RAD21L1: variants seen among roughly 807,000 people sequenced by gnomAD.
RAD21L1 encodes RAD21 cohesin complex component like 1, also known as double-strand-break repair protein rad21-like protein 1.
Under a neutral mutation model 69.0 loss-of-function variants are expected in RAD21L1, and 47 were observed. The observed-to-expected ratio is 0.68, with a 90% CI of 0.54 to 0.87. The LOEUF (loss-of-function observed/expected upper bound fraction) is 0.87. Among genes scored for constraint, RAD21L1 ranks in the 40% least tolerant of loss-of-function variants. The pLI is 0.00. For synonymous variants in RAD21L1, 177 were observed against 205.8 expected (o/e 0.86, Z 1.20); for missense variants, 583 against 647.6 (o/e 0.90, Z 1.08).
chr20:1,236,135 T>G (rs996397549), intron 5 of RAD21L1, among the ~76,000 whole-genome samples: 12 of 152,160 alleles, frequency 7.9e-5, no homozygotes, highest in African/African-American at 2.9e-4. Context: ...TGTTTGTTTG[T>G]TTTTTAATTC....
chr20:1,252,432 G>A lies in RAD21L1; in HGVS notation c.1480-1837G>A, dbSNP rs528102948. 6.6e-5 allele frequency among the ~76,000 whole-genome samples: 10 copies of A among 152,222 alleles called. No individual in the cohort carries two copies. The South Asian group carries it at 2.1e-3, about 32-fold the overall frequency. On this transcript the variant is annotated intron_variant, in intron 13 of 13. Coordinates refer to ENST00000683101, the MANE Select transcript of RAD21L1 (RefSeq NM_001384355.1). ...TCATCTTTTCCAGAATAATCTTTAAGTCTACTGCCTAGGAGATATAAGCAT... is the reference window on the plus strand; with the variant it reads ...TCATCTTTTCCAGAATAATCTTTAAATCTACTGCCTAGGAGATATAAGCAT...
Position 1,242,816 on chromosome 20 carries a change from C to G in RAD21L1, c.1054C>G (p.Gln352Glu). The G allele has an allele frequency of 6.4e-7, 1 of 1,551,352 alleles. No individual in the cohort carries two copies. Residue 352 changes from glutamine to glutamate, a missense_variant, in exon 9 of 14, where the codon CAG becomes GAG. Gln to Glu is a conservative substitution (Grantham distance 29). Transcript: ENST00000683101. ...GCATACACTTCTGTCAACTGCTGCC[C>G]AGGATTTGATTCATGCTGAACTGAA... ...GVHTLLSTAA[Q>E]DLIHAELKML...
At chr20:1,231,498 A>G (rs2087390114) in intron 3 of RAD21L1, 28 bp from the exon 4 acceptor site, 1 of 1,140,784 alleles carries the variant, frequency 8.8e-7, no homozygotes, top group Middle Eastern at 1.9e-4. Flanking sequence ...ATTGTTGCTT[A>G]TTGAGTATGG....
chr20:1,237,850 A>C (rs961661738), intron 5 of RAD21L1, among the ~76,000 whole-genome samples, 194 bp from the exon 6 acceptor site: 1 of 152,220 alleles, frequency 6.6e-6, no homozygotes, highest in Non-Finnish European at 1.5e-5. Context: ...TTGAAAGGGC[A>C]TTAGACTAAA....
chr20:1,233,289 AT>A (rs1196450971), intron 4 of RAD21L1, among the ~76,000 whole-genome samples: 1 of 152,144 alleles, frequency 6.6e-6, no homozygotes, highest in African/African-American at 2.4e-5. Context: ...ACTCTAAGAG[AT>A]CCCCAAGGTA....
At chr20:1,252,497 G>A (rs2087854542) in intron 13 of RAD21L1, among the ~76,000 whole-genome samples, 1 of 151,944 alleles carries the variant, frequency 6.6e-6, no homozygotes, top group East Asian at 1.9e-4. Context: ...GTAAAGGAGA[G>A]GCTGGTTATC....
chr20:1,242,522 C>T (rs1057151922), intron 8 of RAD21L1, 97 bp from the exon 9 acceptor site: 13 of 936,376 alleles, frequency 1.4e-5, no homozygotes, highest in East Asian at 5.2e-5. Context: ...CATGAGCCAC[C>T]GTGCCTGGCT....
At chr20:1,235,585 AT>A (rs987289983) in intron 5 of RAD21L1, among the ~76,000 whole-genome samples, 10 of 152,016 alleles carry the variant, frequency 6.6e-5, no homozygotes, top group Non-Finnish European at 1.3e-4. Flanking sequence ...TTATTTCTGT[AT>A]TTTCTTTCTT....
chr20:1,229,227 T>C (rs2087334942), intron 2 of RAD21L1, among the ~76,000 whole-genome samples: 2 of 152,228 alleles, frequency 1.3e-5, no homozygotes, highest in African/African-American at 4.8e-5. Context: ...TTTGAGTTGG[T>C]CAAATTTATA....
chr20:1,230,484 TA>T, intron 3 of RAD21L1: 1 of 737,706 alleles, frequency 1.4e-6, no homozygotes, highest in Non-Finnish European at 1.7e-6. Flanking sequence ...GTCATAAATA[TA>T]ATACCTTCAA....
At chr20:1,227,519 C>T (rs1289277044) in intron 1 of RAD21L1, among the ~76,000 whole-genome samples, 1 of 152,180 alleles carries the variant, frequency 6.6e-6, no homozygotes, top group Non-Finnish European at 1.5e-5. Context: ...TCTCTTTTAT[C>T]AGTATCTTAA....
At chr20:1,243,284 C>T in intron 10 of RAD21L1, 88 bp downstream of exon 10, 2 of 617,884 alleles carry the variant, frequency 3.2e-6, no homozygotes, top group Admixed American at 7.0e-5. Flanking sequence ...AGGTGGGATC[C>T]AATTCCATAT....
At position 1,242,778 on chromosome 20, in the gene RAD21L1, A is replaced by G. The variant is rs200255615; in HGVS notation, c.1016A>G (p.Lys339Arg). ...PPTQRLMMWK[K>R]RGGVHTLLST... The stretch of plus-strand genomic sequence containing the variant: ...ACCCAAAGATTGATGATGTGGAAGA[A>G]GAGGGGAGGAGTGCATACACTTCTG... Residue 339 changes from lysine to arginine, a missense_variant, in exon 9 of 14, where the codon AAG (lysine) becomes AGG (arginine). Lys to Arg is a conservative substitution (Grantham distance 26). Coordinates refer to ENST00000683101, the MANE Select transcript of RAD21L1 (RefSeq NM_001384355.1). The G allele has an allele frequency of 8.4e-5, 130 of 1,551,538 alleles. No individual in the cohort carries two copies. The highest frequency in any genetic ancestry group is 1.1e-4 in the Non-Finnish European group (124 of 1,146,944).
chr20:1,241,191 G>A (rs903381094), intron 8 of RAD21L1, among the ~76,000 whole-genome samples: 5 of 152,162 alleles, frequency 3.3e-5, no homozygotes, highest in South Asian at 2.1e-4. Context: ...TAGTGGGCAC[G>A]GGAATAAAGA....
rs1041542609 is a variant in RAD21L1, at chr20:1,231,514, G to T, written c.275-12G>T. ...TTGTTGCTTATTGAGTATGGTTTTTGATCCTTTTCAGGACTGGTTGACCTT... is the reference window on the plus strand; with the variant it reads ...TTGTTGCTTATTGAGTATGGTTTTTTATCCTTTTCAGGACTGGTTGACCTT... On this transcript the variant is annotated splice_polypyrimidine_tract_variant and intron_variant, in intron 3 of 13. Coordinates refer to ENST00000683101, the MANE Select transcript of RAD21L1 (RefSeq NM_001384355.1). 8.6e-6 allele frequency: 12 copies of T among 1,391,960 alleles called. No homozygotes were observed. In the African/African-American group the frequency reaches 1.3e-4, roughly 15 times the overall value. 86.2% of individuals were successfully genotyped at this position (1,391,960 alleles called of 1,614,324 possible).
chr20:1,250,959 T>C (rs1478575115), intron 13 of RAD21L1, among the ~76,000 whole-genome samples: 5 of 152,202 alleles, frequency 3.3e-5, no homozygotes, highest in Non-Finnish European at 7.4e-5. Flanking sequence ...TGTCTTGGGA[T>C]ATTGCTTTGT....
rs1446609329 is a variant in RAD21L1 at position 1,254,597 on chromosome 20, A to G, written c.*140A>G. ...CTGACCTACTTCCTCTCTGTAGTTC[A>G]GAATAATCATAGCTAGAATTGGAAA... On this transcript the variant is annotated 3_prime_UTR_variant, in exon 14 of 14. Transcript: ENST00000683101. 2.2e-6 allele frequency: 1 copy of G among 460,376 alleles called. No individual in the cohort carries two copies. The highest frequency in any genetic ancestry group is 4.0e-5 in the Admixed American group (1 of 24,876). The allele number at this position is 460,376 out of a possible 1,614,324, so 28.5% of individuals were successfully genotyped here. A position where few individuals can be genotyped will look rare whatever the true frequency, so the allele number is the denominator to read the frequency against.
chr20:1,236,667 G>T, intron 5 of RAD21L1, among the ~76,000 whole-genome samples: 1 of 152,122 alleles, frequency 6.6e-6, no homozygotes, highest in East Asian at 1.9e-4. Context: ...GTAAAGTTGG[G>T]ATATAACTAA....
At chr20:1,252,365 A>G (rs1233525473) in intron 13 of RAD21L1, among the ~76,000 whole-genome samples, 2 of 152,084 alleles carry the variant, frequency 1.3e-5, no homozygotes, top group Non-Finnish European at 2.9e-5. Context: ...CACCTTCCCT[A>G]GATTGTATTA....
Sources: gnomAD v4.1 joint callset for allele counts (sites outside exome capture counted in the v4.1 genomes callset) on GRCh38, gnomAD v4.1.1 for gene constraint, MANE v1.5 for transcripts, NCBI Gene and HGNC (gene_info 2026-07-23, HGNC 2026-07-21) for gene names.